The following ZNF732 variants were observed in gnomAD, a reference collection of about 807,000 sequenced individuals.
ZNF732 encodes zinc finger protein LOC654254.
Under a neutral mutation model 11.5 loss-of-function variants are expected in ZNF732, and 12 were observed. The observed-to-expected ratio is 1.05, with a 90% CI of 0.67 to 1.70. The LOEUF is 1.70. Among genes scored for constraint, ZNF732 ranks in the 40% most tolerant of loss-of-function variants. ZNF732 has a pLI of 0.00. For synonymous variants in ZNF732, 231 were observed against 236.5 expected (o/e 0.98, Z 0.21); for missense variants, 702 against 676.9 (o/e 1.04, Z -0.41).
chr4:293,298 ATGTG>A (rs1190730981), intron 3 of ZNF732, among the ~76,000 whole-genome samples: 1 of 143,166 alleles, frequency 7.0e-6, no homozygotes. Context: ...ATATATATAT[ATGTG>A]TGTGTGTGTA....
intron 3 of ZNF732, among the ~76,000 whole-genome samples, chr4:288,734 A>G (rs1553840960): frequency 6.6e-6 from 1 of 152,194 alleles, no homozygotes; most frequent in East Asian, 1.9e-4. Context: ...AATTCTATGT[A>G]AATGTAAGAA....
intron 1 of ZNF732, among the ~76,000 whole-genome samples, chr4:302,328 T>C (rs1175477724): frequency 6.6e-6 from 1 of 152,166 alleles, no homozygotes; most frequent in Non-Finnish European, 1.5e-5. Context: ...AAATGTTTTG[T>C]TACATAATTA....
intron 3 of ZNF732, among the ~76,000 whole-genome samples, chr4:284,337 A>G (rs1001574051): frequency 2.0e-5 from 3 of 152,208 alleles, no homozygotes; most frequent in Admixed American, 2.0e-4. Context: ...TGAGTCAAAG[A>G]AGAAAAAGAA....
At position 299,862 on chromosome 4, in the gene ZNF732, ATT is replaced by A. The variant is rs146854504; in HGVS notation, c.4-3709_4-3708del. Among the ~76,000 whole-genome samples the A allele has an allele frequency of 3.8e-3, 470 of 124,296 alleles. 3 individuals carry two copies. Among genetic ancestry groups the A allele is most frequent in the African/African-American group, 0.013 (436 of 33,126 alleles). 81.5% of individuals were successfully genotyped at this position (124,296 alleles called of 152,430 possible). On this transcript the variant is annotated intron_variant, in intron 1 of 3. Coordinates refer to ENST00000419098, the MANE Select transcript of ZNF732 (RefSeq NM_001137608.3). ...CAGGCATGCGCCACCATGCCGGCTA[ATT>A]TTTTTTTTTTTTTTTTTTAAGTAGA...
Position 271,828 on chromosome 4 carries a change from A to G in ZNF732, c.1029T>C (p.Phe343=), listed in dbSNP as rs1719378344. The G allele has an allele frequency of 6.2e-7, 1 of 1,613,560 alleles. No homozygotes were observed. The highest frequency in any genetic ancestry group is 8.5e-7 in the Non-Finnish European group (1 of 1,179,802). Residue 343 remains phenylalanine, a synonymous_variant, in exon 4 of 4, where the codon TTT becomes TTC. Coordinates refer to ENST00000419098, the MANE Select transcript of ZNF732 (RefSeq NM_001137608.3). ...GTTCATTCAGAACTGAGGACCTACTAAAGGCTTTGCCACATTCTTCACATG... is the reference window on the plus strand; with the variant it reads ...GTTCATTCAGAACTGAGGACCTACTGAAGGCTTTGCCACATTCTTCACATG... The part of the protein sequence containing the change: ...PYTCEECGKA[F]SRSSVLNEHK...
chr4:280,620 A>C (rs1444196765), intron 3 of ZNF732, among the ~76,000 whole-genome samples: 7 of 152,164 alleles, frequency 4.6e-5, no homozygotes, highest in Non-Finnish European at 1.0e-4. Flanking sequence ...GAAAAAGGAA[A>C]TTTATGGGAG....
intron 3 of ZNF732, among the ~76,000 whole-genome samples, chr4:291,055 C>G (rs1373710151): frequency 6.6e-6 from 1 of 152,100 alleles, no homozygotes. Flanking sequence ...ACCAAATGTA[C>G]CAGAACAATT....
intron 1 of ZNF732, among the ~76,000 whole-genome samples, chr4:297,438 A>G (rs782206982): frequency 6.6e-6 from 1 of 152,126 alleles, no homozygotes; most frequent in Middle Eastern, 3.2e-3. Flanking sequence ...AATACTTCCC[A>G]GGATTTAAAT....
chr4:286,637 C>G (rs2353599), intron 3 of ZNF732, among the ~76,000 whole-genome samples: 39,679 of 152,048 alleles, frequency 0.26, 5,414 homozygotes, highest in South Asian at 0.38. Context: ...GGGTTAACTG[C>G]AGAAGAAAAT....
At chr4:274,236 T>G (rs1160137274) in intron 3 of ZNF732, among the ~76,000 whole-genome samples, 1 of 151,840 alleles carries the variant, frequency 6.6e-6, no homozygotes, top group East Asian at 1.9e-4. Flanking sequence ...ATATGATTAC[T>G]GACATCAATA....
intron 3 of ZNF732, among the ~76,000 whole-genome samples, chr4:283,177 A>T (rs1354933302): frequency 6.6e-6 from 1 of 152,160 alleles, no homozygotes; most frequent in Non-Finnish European, 1.5e-5. Flanking sequence ...TCGTGTTGTG[A>T]TGTGGAAATA....
chr4:272,178 C>G lies in ZNF732; in HGVS notation c.679G>C (p.Glu227Gln), dbSNP rs782074148. The change falls in exon 4 of 4, where the codon GAA (glutamate) becomes CAA (glutamine). Residue 227 changes from glutamate (E) to glutamine (Q), a missense_variant. By Grantham distance (29) the Glu-to-Gln change is conservative. Coordinates refer to ENST00000419098, the MANE Select transcript of ZNF732 (RefSeq NM_001137608.3). ...HTGEKPFTCE[E>Q]CGNIFTTSSN... ...GATGTGGTAAAGATGTTGCCACATT[C>G]TTCACATGTGAAGGGTTTCTCTCCA... 3.7e-6 allele frequency: 6 copies of G among 1,613,296 alleles called. No homozygotes were observed. The East Asian group carries it at 1.3e-4, about 36-fold the overall frequency.
At chr4:304,570 C>T (rs1430572912) in intron 1 of ZNF732, among the ~76,000 whole-genome samples, 7 of 120,966 alleles carry the variant, frequency 5.8e-5, no homozygotes, top group African/African-American at 9.7e-5. Context: ...GCAGCTGCCC[C>T]CCCCCTGCAG....
At chr4:284,906 GAAAC>G (rs1199126459) in intron 3 of ZNF732, among the ~76,000 whole-genome samples, 11 of 129,460 alleles carry the variant, frequency 8.5e-5, no homozygotes, top group Admixed American at 2.4e-4. Context: ...AGAAGAAAAA[GAAAC>G]AAACAAAAAA....
chr4:294,329 GC>G (rs1719902605), intron 3 of ZNF732, among the ~76,000 whole-genome samples: 1 of 152,100 alleles, frequency 6.6e-6, no homozygotes. Context: ...ATGATACGTT[GC>G]TTCACTTCGT....
intron 1 of ZNF732, among the ~76,000 whole-genome samples, chr4:300,554 G>A (rs528165506): frequency 6.6e-6 from 1 of 151,884 alleles, no homozygotes; most frequent in African/African-American, 2.4e-5. Flanking sequence ...GAGGGGAACA[G>A]TACATGACTG....
At position 305,306 on chromosome 4, in the gene ZNF732, AC is replaced by A. The variant is rs1720209601; in HGVS notation, c.3+1del. The stretch of plus-strand genomic sequence containing the variant: ...CTTGGGACGCCCTGCCCCCACACTC[AC>A]CATTTCCCCACTTCAGGGGTGTAGC... On this transcript the variant is annotated splice_donor_variant, in intron 1 of 3. Transcript: ENST00000419098. LOFTEE classifies it high-confidence loss of function. 1 of 1,607,360 alleles carries A rather than the reference AC, an allele frequency of 6.2e-7. No individual in the cohort carries two copies.
Position 271,635 on chromosome 4 carries a change from GTT to G in ZNF732, c.1220_1221del (p.Glu407AlafsTer2). 1 of 1,610,812 alleles carries G rather than the reference GTT, an allele frequency of 6.2e-7. No individual in the cohort carries two copies. Among genetic ancestry groups the G allele is most frequent in the Non-Finnish European group, 8.5e-7 (1 of 1,178,308 alleles). On this transcript the variant is annotated frameshift_variant, in exon 4 of 4. Transcript: ENST00000419098. LOFTEE classifies it low-confidence loss of function (END_TRUNC). The stretch of plus-strand genomic sequence containing the variant: ...CTCTCTCCAGTATGAATTCTCTTAT[GTT>G]CATTAAGGGTTGTGAACCGACTAAA... The part of the protein sequence containing the change: ...KAFSRFTTLN[E>X]HKRIHTGERP...
intron 3 of ZNF732, among the ~76,000 whole-genome samples, chr4:278,961 T>A (rs1553839196): frequency 6.6e-6 from 1 of 151,880 alleles, no homozygotes; most frequent in African/African-American, 2.4e-5. Flanking sequence ...CCATTGCAAT[T>A]TGCTTATTGT....
Sources: allele counts gnomAD v4.1 joint callset (sites outside exome capture counted in the v4.1 genomes callset), GRCh38; gene constraint gnomAD v4.1.1; transcripts MANE v1.5; gene names NCBI Gene and HGNC (gene_info 2026-07-23, HGNC 2026-07-21).